DAB1: variants seen among roughly 807,000 people sequenced by gnomAD.
DAB1 encodes disabled homolog 1.
Under a neutral mutation model 64.6 loss-of-function variants are expected in DAB1, and 15 were observed. The ratio of observed to expected loss-of-function variants is 0.23; its 90% CI spans 0.16 to 0.36. The LOEUF is 0.36. DAB1 is among the 10% of genes least tolerant of loss of function. The pLI, the probability that DAB1 is intolerant of heterozygous loss-of-function variation, is 1.00. For synonymous variants in DAB1, 235 were observed against 251.9 expected (o/e 0.93, Z 0.64); for missense variants, 596 against 706.7 (o/e 0.84, Z 1.78).
At chr1:58,351,735 G>T (rs1217279246) in intron 3 of DAB1, among the ~76,000 whole-genome samples, 1 of 150,924 alleles carries the variant, frequency 6.6e-6, no homozygotes, top group Non-Finnish European at 1.5e-5. Flanking sequence ...GTAACAAAAA[G>T]GAAAATTTCA....
rs1387884189 is a variant in DAB1 at position 58,300,637 on chromosome 1, AGAGAGAGAGAGGAAGG to A, written n.309+42699_309+42714del. 6.4e-3 allele frequency among the ~76,000 whole-genome samples: 404 copies of A among 62,962 alleles called. 12 individuals carry two copies. The highest frequency in any genetic ancestry group is 0.017 in the East Asian group (25 of 1,476). The allele number at this position is 62,962 out of a possible 152,430, so 41.3% of individuals were successfully genotyped here. On this transcript the variant is annotated intron_variant and non_coding_transcript_variant, in intron 4 of 20. Coordinates refer to the DAB1 transcript ENST00000485760. Reference sequence around the variant, plus strand: ...GAGAGAGAGAGAGAGAGAGAGAGAGAGAGAGAGAGAGGAAGGAAGGAAGGAAGGAAGGAAGGAAGGA... The same window carrying A: ...GAGAGAGAGAGAGAGAGAGAGAGAGAAAGGAAGGAAGGAAGGAAGGAAGGA...
intron 5 of DAB1, among the ~76,000 whole-genome samples, chr1:58,106,843 A>ATCCCTCCC (rs879680083): frequency 1.8e-5 from 2 of 110,042 alleles, no homozygotes; most frequent in Non-Finnish European, 3.9e-5. Context: ...TCCCTCCTTC[A>ATCCCTCCC]TCCCTCCCTC....
At chr1:58,114,010 G>A (rs1652155842) in intron 5 of DAB1, among the ~76,000 whole-genome samples, 1 of 151,656 alleles carries the variant, frequency 6.6e-6, no homozygotes, top group Middle Eastern at 3.2e-3. Flanking sequence ...ACTTTGGGAG[G>A]TCCAGGTGGG....
At chr1:57,484,249 T>G (rs1644061773) in intron 7 of DAB1, among the ~76,000 whole-genome samples, 1 of 152,164 alleles carries the variant, frequency 6.6e-6, no homozygotes, top group African/African-American at 2.4e-5. Flanking sequence ...GGGGGCCACA[T>G]CAGTCCCCTG....
intron 6 of DAB1, among the ~76,000 whole-genome samples, chr1:57,788,674 CT>C (rs1228646918): frequency 4.6e-5 from 7 of 152,270 alleles, no homozygotes; most frequent in African/African-American, 1.7e-4. Context: ...TGGACGCCAG[CT>C]CTGTTACTTC....
At position 58,045,935 on chromosome 1, in the gene DAB1, ATTTTTT is replaced by A. The variant is rs61118687; in HGVS notation, n.387+104570_387+104575del. ...ATTAGGGATTTGGGCAAGATTATCA[ATTTTTT>A]TTTTTTTTTTTTGGAGCCTCTGTTA... On this transcript the variant is annotated intron_variant and non_coding_transcript_variant, in intron 5 of 20. Transcript: ENST00000485760. 4.3e-3 allele frequency among the ~76,000 whole-genome samples: 631 copies of A among 145,154 alleles called. 7 individuals carry two copies. In the East Asian group the frequency reaches 0.056, roughly 13 times the overall value.
chr1:57,839,845 T>C (rs911915530), intron 1 of DAB1, among the ~76,000 whole-genome samples: 5 of 152,154 alleles, frequency 3.3e-5, no homozygotes, highest in Admixed American at 3.3e-4. Context: ...AGACAGCCAC[T>C]GGGAAAAGTA....
rs191296618 is a variant in DAB1 at position 57,056,850 on chromosome 1, C to T, written c.723+6034G>A. ...CTGCACTTTAGCCTGGGCAACAGAGCGAGACTCTGTCTCAAAGGAAAAAAA... is the reference window on the plus strand; with the variant it reads ...CTGCACTTTAGCCTGGGCAACAGAGTGAGACTCTGTCTCAAAGGAAAAAAA... On this transcript the variant is annotated intron_variant, in intron 9 of 14. Coordinates refer to ENST00000371236, the MANE Select transcript of DAB1 (RefSeq NM_001365792.1). 2.3e-3 allele frequency among the ~76,000 whole-genome samples: 355 copies of T among 151,296 alleles called. 3 individuals are homozygous for T. The highest frequency in any genetic ancestry group is 8.2e-3 in the African/African-American group (338 of 41,156).
intron 4 of DAB1, among the ~76,000 whole-genome samples, chr1:58,247,010 T>C (rs1039249727): frequency 6.6e-6 from 1 of 152,096 alleles, no homozygotes; most frequent in African/African-American, 2.4e-5. Flanking sequence ...TTGAACAGTA[T>C]GCCTTGGGCA....
At chr1:57,398,617 T>A (rs1038354074) in intron 1 of DAB1, among the ~76,000 whole-genome samples, 3 of 152,222 alleles carry the variant, frequency 2.0e-5, no homozygotes, top group African/African-American at 7.2e-5. Context: ...ATCTTTTGAT[T>A]TGGGAGTTAA....
chr1:57,435,466 T>A (rs1685662002), intron 7 of DAB1, among the ~76,000 whole-genome samples: 1 of 152,254 alleles, frequency 6.6e-6, no homozygotes, highest in African/African-American at 2.4e-5. Flanking sequence ...GCTTAAAACA[T>A]AAACACATTG....
intron 5 of DAB1, among the ~76,000 whole-genome samples, chr1:58,050,047 T>C (rs1311138321): frequency 6.6e-6 from 1 of 152,122 alleles, no homozygotes; most frequent in African/African-American, 2.4e-5. Context: ...GTAGAGATCA[T>C]CTAGATAGAG....
rs1645626389 is a variant in DAB1, at chr1:56,996,556, G to A, written c.*1588C>T. ...GTCCAGTGATTTATATCGGGGGTAGGTGGGAGTGGGGAGGTGGGAGAGTTT... is the reference window on the plus strand; with the variant it reads ...GTCCAGTGATTTATATCGGGGGTAGATGGGAGTGGGGAGGTGGGAGAGTTT... On this transcript the variant is annotated 3_prime_UTR_variant, in exon 15 of 15. Transcript: ENST00000371236. 1 of 152,272 alleles carries A rather than the reference G, an allele frequency of 6.6e-6. No homozygotes were observed. The highest frequency in any genetic ancestry group is 6.5e-5 in the Admixed American group (1 of 15,290). The allele number at this position is 152,272 out of a possible 1,614,324, so 9.4% of individuals were successfully genotyped here.
chr1:57,904,749 A>T (rs1447369266), intron 5 of DAB1, among the ~76,000 whole-genome samples: 5 of 152,156 alleles, frequency 3.3e-5, no homozygotes, highest in Non-Finnish European at 7.4e-5. Flanking sequence ...ATGTCAAAGG[A>T]TCTAAAATAA....
intron 7 of DAB1, among the ~76,000 whole-genome samples, chr1:57,478,627 C>G (rs1265394177): frequency 5.7e-5 from 7 of 122,550 alleles, no homozygotes; most frequent in Admixed American, 9.7e-5. Flanking sequence ...GAGTCTCACT[C>G]TGTCACCCAG....
At chr1:58,253,992 G>A (rs1001367829) in intron 4 of DAB1, among the ~76,000 whole-genome samples, 2 of 152,144 alleles carry the variant, frequency 1.3e-5, no homozygotes, top group African/African-American at 4.8e-5. Flanking sequence ...AAGGATAAAA[G>A]TATGAATATT....
intron 3 of DAB1, among the ~76,000 whole-genome samples, chr1:57,142,627 CACAT>C (rs1445555230): frequency 3.4e-4 from 49 of 144,176 alleles, no homozygotes; most frequent in African/African-American, 1.4e-3. Flanking sequence ...CACACACACA[CACAT>C]ACACACACAC....
intron 7 of DAB1, among the ~76,000 whole-genome samples, chr1:57,569,256 CAAAAAAA>C (rs3991203): frequency 1.5e-5 from 1 of 67,864 alleles, no homozygotes; most frequent in African/African-American, 6.0e-5. Context: ...GACTCCGTCT[CAAAAAAA>C]AAAAAAAAAA....
chr1:58,329,621 A>G (rs1278275288), intron 4 of DAB1, among the ~76,000 whole-genome samples: 1 of 152,218 alleles, frequency 6.6e-6, no homozygotes. Flanking sequence ...CCCTGTGACA[A>G]GCAAGTCTAT....
Sources: gnomAD v4.1 joint callset for allele counts (sites outside exome capture counted in the v4.1 genomes callset) on GRCh38, gnomAD v4.1.1 for gene constraint, MANE v1.5 for transcripts, NCBI Gene and HGNC (gene_info 2026-07-23, HGNC 2026-07-21) for gene names.